Variants in MCC observed in about 807,000 individuals in gnomAD.
MCC encodes the protein colorectal mutant cancer protein.
MCC carries 90 observed loss-of-function variants against 116.2 expected under a neutral mutation model. The ratio of observed to expected loss-of-function variants is 0.77; its 90% CI spans 0.65 to 0.92. MCC has a LOEUF of 0.92. Among genes scored for constraint, MCC ranks in the 40% least tolerant of loss-of-function variants. The pLI is 0.00. For synonymous variants in MCC, 578 were observed against 510.5 expected (o/e 1.13, Z -1.78); for missense variants, 1,516 against 1,312.2 (o/e 1.16, Z -2.40).
chr5:113,386,388 C>T (rs12523255), intron 1 of MCC, among the ~76,000 whole-genome samples: 27,825 of 152,040 alleles, frequency 0.18, 3,030 homozygotes, highest in Admixed American at 0.31. Context: ...TCCCTAGGCT[C>T]ACAAAATTGT....
chr5:113,209,136 A>C (rs897762432), intron 3 of MCC, among the ~76,000 whole-genome samples: 2 of 152,212 alleles, frequency 1.3e-5, no homozygotes, highest in Admixed American at 1.3e-4. Flanking sequence ...TCTGTTTATC[A>C]AAGGTCTGGG....
At chr5:113,127,789 A>T (rs747023049) in intron 5 of MCC, among the ~76,000 whole-genome samples, 12 of 152,066 alleles carry the variant, frequency 7.9e-5, no homozygotes, top group Non-Finnish European at 1.5e-4. Flanking sequence ...CCATTGTGTA[A>T]GTTGTCTGTT....
intron 3 of MCC, among the ~76,000 whole-genome samples, chr5:113,247,033 C>T (rs1485679301): frequency 6.6e-6 from 1 of 152,206 alleles, no homozygotes; most frequent in Non-Finnish European, 1.5e-5. Flanking sequence ...ATTTCAGAGT[C>T]TGCTCTTTCA....
chr5:113,049,667 C>T (rs1411240086), intron 15 of MCC, among the ~76,000 whole-genome samples: 1 of 152,252 alleles, frequency 6.6e-6, no homozygotes, highest in African/African-American at 2.4e-5. Context: ...GGCTGAGCTG[C>T]ACCTGCCAGA....
At chr5:113,145,921 T>A (rs576208370) in intron 4 of MCC, among the ~76,000 whole-genome samples, 1 of 152,136 alleles carries the variant, frequency 6.6e-6, no homozygotes, top group African/African-American at 2.4e-5. Context: ...GATACCTGCA[T>A]GAACAAGAGG....
At chr5:113,068,774 C>A (rs1423703863) in intron 12 of MCC, among the ~76,000 whole-genome samples, 1 of 152,232 alleles carries the variant, frequency 6.6e-6, no homozygotes, top group African/African-American at 2.4e-5. Context: ...AGCCAACAGC[C>A]AGGTGAGTGA....
chr5:113,154,872 A>G (rs1760085731), intron 3 of MCC, among the ~76,000 whole-genome samples: 1 of 152,136 alleles, frequency 6.6e-6, no homozygotes, highest in East Asian at 1.9e-4. Flanking sequence ...CATCACAAAC[A>G]TTTTTCATTT....
chr5:113,309,023 T>A (rs1439699846), intron 3 of MCC, among the ~76,000 whole-genome samples: 5 of 152,170 alleles, frequency 3.3e-5, no homozygotes, highest in African/African-American at 9.7e-5. Flanking sequence ...GCCATATTTT[T>A]AAAATGAAGC....
chr5:113,402,037 G>A (rs1769702185), intron 1 of MCC, among the ~76,000 whole-genome samples: 1 of 151,788 alleles, frequency 6.6e-6, no homozygotes, highest in Non-Finnish European at 1.5e-5. Context: ...GCTCACGCCT[G>A]TAATCCCAGC....
intron 3 of MCC, among the ~76,000 whole-genome samples, chr5:113,152,339 C>T (rs1320836709): frequency 1.3e-5 from 2 of 152,202 alleles, no homozygotes; most frequent in Admixed American, 6.5e-5. Context: ...GTTCAACACA[C>T]TGGTCCCAAA....
intron 2 of MCC, among the ~76,000 whole-genome samples, chr5:113,380,620 G>A (rs567687772): frequency 3.3e-5 from 5 of 152,236 alleles, no homozygotes; most frequent in Non-Finnish European, 5.9e-5. Flanking sequence ...TTAGTAATCC[G>A]GTGGAAATTT....
chr5:113,377,789 T>C (rs1769021692), intron 2 of MCC, among the ~76,000 whole-genome samples: 1 of 152,240 alleles, frequency 6.6e-6, no homozygotes, highest in Non-Finnish European at 1.5e-5. Context: ...AACAATAGAA[T>C]GTAAAATGGT....
At chr5:113,116,847 C>T (rs975061040) in intron 6 of MCC, among the ~76,000 whole-genome samples, 3 of 152,192 alleles carry the variant, frequency 2.0e-5, no homozygotes, top group Admixed American at 6.5e-5. Context: ...ACACAGTCAC[C>T]CCAGAGAGTG....
intron 3 of MCC, among the ~76,000 whole-genome samples, chr5:113,300,283 C>T (rs1261852180): frequency 3.9e-5 from 6 of 152,120 alleles, no homozygotes; most frequent in Non-Finnish European, 7.4e-5. Flanking sequence ...GGTGCCCCAG[C>T]GATCCTTGCC....
chr5:113,258,665 A>G (rs925428860), intron 3 of MCC, among the ~76,000 whole-genome samples: 1 of 152,210 alleles, frequency 6.6e-6, no homozygotes, highest in African/African-American at 2.4e-5. Flanking sequence ...GTCCCTGCCA[A>G]AAAGGTTGGG....
At chr5:113,135,217 C>T (rs1478180911) in intron 5 of MCC, among the ~76,000 whole-genome samples, 5 of 149,838 alleles carry the variant, frequency 3.3e-5, no homozygotes, top group East Asian at 2.1e-4. Flanking sequence ...GGATTACAGG[C>T]GTGAGCCACT....
chr5:113,170,408 G>A (rs191509214), intron 3 of MCC, among the ~76,000 whole-genome samples: 480 of 152,210 alleles, frequency 3.2e-3, no homozygotes, highest in Non-Finnish European at 3.5e-3. Context: ...AAAATTTTCT[G>A]ATAAACCACA....
intron 1 of MCC, among the ~76,000 whole-genome samples, chr5:113,451,339 T>C (rs1460515871): frequency 6.6e-6 from 1 of 152,258 alleles, no homozygotes; most frequent in Non-Finnish European, 1.5e-5. Context: ...CATTTTAAAT[T>C]AAATCTACAG....
At chr5:113,483,091 T>C (rs923359071) in intron 1 of MCC, among the ~76,000 whole-genome samples, 1 of 152,210 alleles carries the variant, frequency 6.6e-6, no homozygotes, top group African/African-American at 2.4e-5. Flanking sequence ...AATATGTAGG[T>C]TTATCCCTGG....
Sources: gnomAD v4.1 joint callset for allele counts (sites outside exome capture counted in the v4.1 genomes callset) on GRCh38, gnomAD v4.1.1 for gene constraint, MANE v1.5 for transcripts, NCBI Gene and HGNC (gene_info 2026-07-23, HGNC 2026-07-21) for gene names.